UPF2: variants seen among roughly 807,000 people sequenced by gnomAD.
UPF2 encodes regulator of nonsense transcripts 2.
A neutral mutation model predicts 141.4 loss-of-function variants in UPF2; 17 were observed. The observed-to-expected ratio is 0.12, with a 90% CI of 0.08 to 0.18. The LOEUF is 0.18. UPF2 is among the 10% of genes least tolerant of loss of function. The pLI is 1.00. For missense variants in UPF2, 1,152 were observed against 1,515.9 expected (o/e 0.76, Z 3.99); for synonymous variants, 540 against 498.0 (o/e 1.08, Z -1.12).
chr10:12,034,851 T>A (rs958106331), intron 2 of UPF2, among the ~76,000 whole-genome samples: 1 of 152,196 alleles, frequency 6.6e-6, no homozygotes, highest in Non-Finnish European at 1.5e-5. Context: ...ACAGTACTCA[T>A]TAAAGATTGT....
At chr10:12,006,384 TATC>T (rs1344706779) in intron 4 of UPF2, among the ~76,000 whole-genome samples, 1 of 152,220 alleles carries the variant, frequency 6.6e-6, no homozygotes, top group South Asian at 2.1e-4. Flanking sequence ...TTCATGAACT[TATC>T]TACTCTCACA....
At chr10:11,923,993 T>G (rs1291303546) in intron 21 of UPF2, among the ~76,000 whole-genome samples, 1 of 152,218 alleles carries the variant, frequency 6.6e-6, no homozygotes, top group Non-Finnish European at 1.5e-5. Context: ...AAATAACCCA[T>G]ATGAATTAGT....
chr10:11,974,678 G>A (rs548774132), intron 9 of UPF2, among the ~76,000 whole-genome samples: 2 of 152,264 alleles, frequency 1.3e-5, no homozygotes, highest in African/African-American at 4.8e-5. Context: ...GATGGATTAC[G>A]TTTACTGATT....
rs530136527 is a variant in UPF2 at position 12,041,508 on chromosome 10, T to C, written c.-19+1247A>G. Reference sequence around the variant, plus strand: ...TTACTAGAAGTACCAATGGAGTGTATTGGGGGGAAGAGGGCACAAAAGGGG... The same window carrying C: ...TTACTAGAAGTACCAATGGAGTGTACTGGGGGGAAGAGGGCACAAAAGGGG... On this transcript the variant is annotated intron_variant, in intron 1 of 21. Transcript: ENST00000357604. Among the ~76,000 whole-genome samples, 36 of 152,234 alleles carry C rather than the reference T, an allele frequency of 2.4e-4. No homozygotes were observed. In the South Asian group the frequency reaches 6.7e-3, roughly 28 times the overall value.
In UPF2 at chr10:11,956,472, A is replaced by T. The variant is rs754074427; in HGVS notation, c.2422T>A (p.Tyr808Asn). The change falls in exon 13 of 22, where the codon TAT becomes AAT. Residue 808 changes from tyrosine (Y) to asparagine (N), a missense_variant. Coordinates refer to ENST00000357604, the MANE Select transcript of UPF2 (RefSeq NM_015542.4). The surrounding 1 kb of genome is among the most constrained non-coding windows in gnomAD (Gnocchi z 4.2). ...LPWQDQEVKDYVICCMINIWN... is the reference protein window; with the variant it reads ...LPWQDQEVKDNVICCMINIWN... ...ATGTTTATCATACAACAAATAACAT[A>T]GTCTTTCACTTCTTGGTCCTGCCAG... The T allele has an allele frequency of 3.2e-5, 51 of 1,613,958 alleles. No homozygotes were observed. Among genetic ancestry groups the T allele is most frequent in the Non-Finnish European group, 4.2e-5 (50 of 1,179,950 alleles).
intron 8 of UPF2, among the ~76,000 whole-genome samples, chr10:11,994,924 C>A (rs1160458574): frequency 7.3e-6 from 1 of 136,300 alleles, no homozygotes; most frequent in African/African-American, 2.7e-5. Flanking sequence ...TGCAGTGAGC[C>A]GAGATCGCGC....
intron 4 of UPF2, among the ~76,000 whole-genome samples, chr10:12,013,196 T>C (rs1023402147): frequency 6.6e-6 from 1 of 151,626 alleles, no homozygotes; most frequent in African/African-American, 2.4e-5. Flanking sequence ...CAGTATACAA[T>C]AGGTATTTCT....
intron 8 of UPF2, among the ~76,000 whole-genome samples, chr10:11,990,196 T>A (rs962955495): frequency 1.3e-5 from 2 of 152,194 alleles, no homozygotes; most frequent in Non-Finnish European, 2.9e-5. Context: ...AAATATGCCA[T>A]CAACATGCTT....
chr10:11,924,047 A>C (rs564862052), intron 21 of UPF2, among the ~76,000 whole-genome samples: 1 of 152,358 alleles, frequency 6.6e-6, no homozygotes, highest in Admixed American at 6.5e-5. Flanking sequence ...AAAAATGTTA[A>C]GTTTCACAGA....
chr10:11,972,911 G>A (rs1453086025), intron 9 of UPF2, among the ~76,000 whole-genome samples: 1 of 152,168 alleles, frequency 6.6e-6, no homozygotes, highest in Non-Finnish European at 1.5e-5. Flanking sequence ...TAATGGGATG[G>A]TGCGGTCAAA....
chr10:11,957,938 T>G (rs1833179350), intron 12 of UPF2, among the ~76,000 whole-genome samples: 2 of 152,198 alleles, frequency 1.3e-5, no homozygotes, highest in Non-Finnish European at 2.9e-5. Context: ...TACGACAACC[T>G]CAATTTCCTC....
chr10:12,012,316 C>A (rs1834142850), intron 4 of UPF2, among the ~76,000 whole-genome samples: 1 of 151,968 alleles, frequency 6.6e-6, no homozygotes, highest in South Asian at 2.1e-4. Context: ...CCTGCCCTGG[C>A]CTCCCAAAGT....
chr10:12,002,716 T>C (rs965388377), intron 5 of UPF2, among the ~76,000 whole-genome samples: 4 of 151,722 alleles, frequency 2.6e-5, no homozygotes, highest in East Asian at 1.9e-4. Flanking sequence ...AAAGGCAAAA[T>C]TGGAAGAATA....
At chr10:11,927,631 A>G (rs1440850284) in intron 21 of UPF2, among the ~76,000 whole-genome samples, 2 of 152,230 alleles carry the variant, frequency 1.3e-5, no homozygotes, top group African/African-American at 4.8e-5. Flanking sequence ...GGACTTTAAT[A>G]AAGTTTGGAT....
rs914775167 is a variant in UPF2, at chr10:11,953,964, A to G, written c.2850+1268T>C. 6.6e-6 allele frequency among the ~76,000 whole-genome samples: 1 copy of G among 152,232 alleles called. No homozygotes were observed. The highest frequency in any genetic ancestry group is 1.5e-5 in the Non-Finnish European group (1 of 68,040). On this transcript the variant is annotated intron_variant, in intron 14 of 21. Coordinates refer to ENST00000357604, the MANE Select transcript of UPF2 (RefSeq NM_015542.4). The surrounding 1 kb of genome is among the most constrained non-coding windows in gnomAD (Gnocchi z 5.0). ...TTTTCTTCATAATGGGTAAATGAAAATACTAACAATTGTGATTATATAGAA... is the reference window on the plus strand; with the variant it reads ...TTTTCTTCATAATGGGTAAATGAAAGTACTAACAATTGTGATTATATAGAA...
intron 2 of UPF2, among the ~76,000 whole-genome samples, chr10:12,029,960 AAAAAAAAAAAC>A (rs1206409692): frequency 7.9e-5 from 12 of 151,746 alleles, no homozygotes; most frequent in Non-Finnish European, 1.2e-4. Flanking sequence ...TCCGTCTCAA[AAAAAAAAAAAC>A]AAAAAAAAAA....
chr10:11,930,135 T>A, intron 20 of UPF2, 150 bp from the exon 21 acceptor site: 1 of 1,116,356 alleles, frequency 9.0e-7, no homozygotes, highest in Non-Finnish European at 1.2e-6. Flanking sequence ...CTAAAATGAT[T>A]AAGAAGTTTT....
chr10:12,002,366 G>A (rs912564268), intron 5 of UPF2, among the ~76,000 whole-genome samples: 2 of 152,202 alleles, frequency 1.3e-5, no homozygotes, highest in Non-Finnish European at 2.9e-5. Context: ...ATGGATGACT[G>A]GATGGAGAGA....
chr10:11,991,806 C>T (rs1833784966), intron 8 of UPF2, among the ~76,000 whole-genome samples: 1 of 152,166 alleles, frequency 6.6e-6, no homozygotes, highest in African/African-American at 2.4e-5. Flanking sequence ...TAGAGAAATT[C>T]AAGGCACATT....
Sources: allele counts gnomAD v4.1 joint callset (sites outside exome capture counted in the v4.1 genomes callset), GRCh38; gene constraint gnomAD v4.1.1; non-coding constraint Gnocchi (gnomAD v3.1); transcripts MANE v1.5; gene names NCBI Gene and HGNC (gene_info 2026-07-23, HGNC 2026-07-21).